GPC5: variants seen among roughly 807,000 people sequenced by gnomAD.
The protein encoded by GPC5 is glypican-5.
In GPC5, 47 loss-of-function variants were observed where a neutral mutation model predicts 53.9. The observed-to-expected ratio is 0.87, with a 90% confidence interval of 0.69 to 1.11. The LOEUF is 1.11. GPC5 is among the 50% of genes most tolerant of loss of function. The pLI is 0.00. For synonymous variants in GPC5, 286 were observed against 263.3 expected, an observed-to-expected ratio of 1.09 and a Z score of -0.84; for missense variants, 748 against 713.1, an observed-to-expected ratio of 1.05 and a Z score of -0.56.
chr13:92,190,173 TA>T (rs1191463085), intron 7 of GPC5, among the ~76,000 whole-genome samples: 2 of 151,870 alleles, frequency 1.3e-5, no homozygotes, highest in African/African-American at 4.8e-5. Context: ...GAAAGTGGAA[TA>T]AAATATTCAA....
chr13:92,538,537 T>C (rs9516092), intron 7 of GPC5, among the ~76,000 whole-genome samples: 61,494 of 145,290 alleles, frequency 0.42, 13,763 homozygotes, highest in African/African-American at 0.55. Flanking sequence ...TAGGTATACA[T>C]GTGCCATGGT....
At chr13:91,820,690 G>A (rs1337274350) in intron 5 of GPC5, among the ~76,000 whole-genome samples, 5 of 152,282 alleles carry the variant, frequency 3.3e-5, no homozygotes, top group African/African-American at 4.8e-5. Context: ...AGGGCCGGGC[G>A]CGGTGGCTCA....
chr13:92,410,915 G>T (rs947481016), intron 7 of GPC5, among the ~76,000 whole-genome samples: 2 of 152,180 alleles, frequency 1.3e-5, no homozygotes, highest in African/African-American at 2.4e-5. Flanking sequence ...TCTGACAGCA[G>T]AATGTATTAC....
intron 7 of GPC5, among the ~76,000 whole-genome samples, chr13:92,411,827 T>C (rs1876054975): frequency 6.6e-6 from 1 of 152,156 alleles, no homozygotes; most frequent in Non-Finnish European, 1.5e-5. Context: ...AAATAGAGCT[T>C]GTATATATGT....
At chr13:92,304,254 G>C (rs1403705280) in intron 7 of GPC5, among the ~76,000 whole-genome samples, 1 of 151,248 alleles carries the variant, frequency 6.6e-6, no homozygotes, top group Non-Finnish European at 1.5e-5. Flanking sequence ...CCCCAGGCTG[G>C]AGTGCAGTGG....
intron 7 of GPC5, among the ~76,000 whole-genome samples, chr13:92,793,958 A>T (rs1876561573): frequency 6.6e-6 from 1 of 152,138 alleles, no homozygotes. Context: ...TAGAGGTAAA[A>T]ACAGGAGCTG....
chr13:92,214,830 T>C (rs1346857623), intron 7 of GPC5, among the ~76,000 whole-genome samples: 1 of 152,168 alleles, frequency 6.6e-6, no homozygotes, highest in Non-Finnish European at 1.5e-5. Flanking sequence ...GTCCTTACAA[T>C]GTGGGAGAGA....
intron 7 of GPC5, among the ~76,000 whole-genome samples, chr13:92,475,331 T>G (rs1489851678): frequency 6.8e-6 from 1 of 147,742 alleles, no homozygotes; most frequent in Non-Finnish European, 1.5e-5. Context: ...TTCCTACCCA[T>G]GAGCATGGAA....
chr13:92,251,109 A>G (rs1240678233), intron 7 of GPC5, among the ~76,000 whole-genome samples: 2 of 152,102 alleles, frequency 1.3e-5, no homozygotes, highest in East Asian at 1.9e-4. Flanking sequence ...TTAAATTACA[A>G]TCCCACATAA....
chr13:92,625,579 T>G (rs1329016799), intron 7 of GPC5, among the ~76,000 whole-genome samples: 1 of 152,216 alleles, frequency 6.6e-6, no homozygotes, highest in Admixed American at 6.5e-5. Context: ...TGGTGCAATT[T>G]GCTGCTGAGC....
intron 6 of GPC5, among the ~76,000 whole-genome samples, chr13:92,098,288 G>A (rs1296898129): frequency 1.3e-5 from 2 of 152,124 alleles, no homozygotes; most frequent in East Asian, 1.9e-4. Flanking sequence ...GCGTTAGTTT[G>A]TTAAAGATAA....
At chr13:92,149,958 T>C (rs2041895450) in intron 7 of GPC5, among the ~76,000 whole-genome samples, 2 of 152,014 alleles carry the variant, frequency 1.3e-5, no homozygotes, top group African/African-American at 4.8e-5. Context: ...TACTTTAAAA[T>C]ATGTTTATTG....
chr13:92,755,588 C>T (rs1874825197), intron 7 of GPC5, among the ~76,000 whole-genome samples: 1 of 148,124 alleles, frequency 6.8e-6, no homozygotes, highest in Admixed American at 7.0e-5. Flanking sequence ...GCTAGCAAGA[C>T]TAATAAAGAA....
intron 6 of GPC5, among the ~76,000 whole-genome samples, chr13:91,909,305 G>C (rs1471260006): frequency 1.3e-5 from 2 of 152,140 alleles, no homozygotes; most frequent in East Asian, 3.9e-4. Context: ...TGTACATCTA[G>C]ATTATTTGAA....
chr13:92,171,564 T>C (rs2042070966), intron 7 of GPC5, among the ~76,000 whole-genome samples: 1 of 152,208 alleles, frequency 6.6e-6, no homozygotes, highest in African/African-American at 2.4e-5. Flanking sequence ...AGAGTCAGCC[T>C]GTAGTCACAC....
At chr13:92,356,339 G>A (rs549213383) in intron 7 of GPC5, among the ~76,000 whole-genome samples, 59 of 152,276 alleles carry the variant, frequency 3.9e-4, no homozygotes, top group African/African-American at 1.4e-3. Flanking sequence ...GCCCTATTAA[G>A]TTCTTTAGCT....
intron 5 of GPC5, among the ~76,000 whole-genome samples, chr13:91,870,085 T>C (rs1395594863): frequency 6.6e-6 from 1 of 152,216 alleles, no homozygotes; most frequent in Non-Finnish European, 1.5e-5. Context: ...TTGGAGACCC[T>C]TAATTGGTAA....
intron 6 of GPC5, among the ~76,000 whole-genome samples, chr13:92,041,350 G>C (rs188497529): frequency 1.3e-5 from 2 of 152,150 alleles, no homozygotes. Flanking sequence ...ATGTGATCAC[G>C]TACTAGTCTA....
intron 2 of GPC5, among the ~76,000 whole-genome samples, chr13:91,665,516 C>CTT (rs1555335537): frequency 9.4e-6 from 1 of 106,528 alleles, no homozygotes; most frequent in Admixed American, 9.7e-5. Context: ...TTTTTTTTTT[C>CTT]TTTTGAGACG....
Sources: gnomAD v4.1 joint callset for allele counts (sites outside exome capture counted in the v4.1 genomes callset) on GRCh38, gnomAD v4.1.1 for gene constraint, MANE v1.5 for transcripts, NCBI Gene and HGNC (gene_info 2026-07-23, HGNC 2026-07-21) for gene names.